IRAK2: variants seen among roughly 807,000 people sequenced by gnomAD.
The protein encoded by IRAK2 is interleukin 1 receptor associated kinase 2.
In IRAK2, 57 loss-of-function variants were observed where a neutral mutation model predicts 72.0. The observed-to-expected ratio is 0.79, with a 90% CI of 0.64 to 0.99. IRAK2 has a LOEUF of 0.99. Among genes scored for constraint, IRAK2 ranks in the 50% least tolerant of loss-of-function variants. The probability of loss-of-function intolerance (pLI) is 0.00; values close to 1 mark genes in which losing one functional copy is unlikely to be tolerated. For synonymous variants in IRAK2, 293 were observed against 312.7 expected, an observed-to-expected ratio of 0.94 and a Z score of 0.67; for missense variants, 790 against 794.4, an observed-to-expected ratio of 0.99 and a Z score of 0.07.
chr3:10,215,751 TACACACACACAC>T (rs145978380), intron 6 of IRAK2, among the ~76,000 whole-genome samples: 1 of 150,026 alleles, frequency 6.7e-6, no homozygotes, highest in Admixed American at 6.7e-5. Flanking sequence ...CTCACATGTG[TACACACACACAC>T]ACACACACAC....
At chr3:10,179,275 GT>G (rs58462207) in intron 2 of IRAK2, among the ~76,000 whole-genome samples, 78 of 136,654 alleles carry the variant, frequency 5.7e-4, no homozygotes, top group Middle Eastern at 3.7e-3. Flanking sequence ...TTTTTCAGTT[GT>G]TTTTTTTTTT....
chr3:10,218,575 C>A (rs955167404), intron 7 of IRAK2, among the ~76,000 whole-genome samples: 1 of 151,898 alleles, frequency 6.6e-6, no homozygotes. Flanking sequence ...ATAAAATCAG[C>A]GTAAGGCCCA....
chr3:10,220,820 A>C (rs995981441), intron 8 of IRAK2, among the ~76,000 whole-genome samples: 1 of 152,048 alleles, frequency 6.6e-6, no homozygotes, highest in Non-Finnish European at 1.5e-5. Context: ...GGTCACCACT[A>C]ACCTACCCCA....
chr3:10,208,801 A>G (rs1697472622), intron 3 of IRAK2, among the ~76,000 whole-genome samples: 2 of 151,416 alleles, frequency 1.3e-5, no homozygotes, highest in African/African-American at 4.9e-5. Flanking sequence ...TAGAAACGGG[A>G]TCTTGTCATG....
At position 10,213,252 on chromosome 3, in the gene IRAK2, G is replaced by A; in HGVS notation, c.574G>A (p.Ala192Thr). The stretch of plus-strand genomic sequence containing the variant: ...TAAGCAGGAAAAACTTTTGAGCTTG[G>A]CTGGAGACAGCCTTTTCTGGAGTGA... ...IPKQEKLLSL[A>T]GDSLFWSEAD... Residue 192 changes from alanine (A) to threonine (T), a missense_variant, in exon 5 of 13, where the codon GCT becomes ACT. By Grantham distance (58) the Ala-to-Thr change is moderately conservative. Transcript: ENST00000256458. 1.9e-6 allele frequency: 3 copies of A among 1,614,132 alleles called. No homozygotes were observed. Among genetic ancestry groups the A allele is most frequent in the Non-Finnish European group, 2.5e-6 (3 of 1,180,024 alleles).
At chr3:10,214,249 T>G (rs1269872876) in intron 6 of IRAK2, among the ~76,000 whole-genome samples, 11 of 151,732 alleles carry the variant, frequency 7.2e-5, no homozygotes, top group Admixed American at 7.2e-4. Flanking sequence ...TTTTAAGAGC[T>G]AGGGTCTTGC....
At chr3:10,165,173 G>A in intron 1 of IRAK2, 125 bp downstream of exon 1, 1 of 783,688 alleles carries the variant, frequency 1.3e-6, no homozygotes. Context: ...GGGCGTGCGA[G>A]CTGAGCCTCC....
At chr3:10,181,921 A>G (rs2125144187) in intron 2 of IRAK2, among the ~76,000 whole-genome samples, 1 of 150,950 alleles carries the variant, frequency 6.6e-6, no homozygotes, top group East Asian at 1.9e-4. Context: ...TCTCATTCCA[A>G]TGCCCTATTC....
intron 2 of IRAK2, among the ~76,000 whole-genome samples, chr3:10,186,236 C>T (rs1697073753): frequency 6.6e-6 from 1 of 151,838 alleles, no homozygotes; most frequent in South Asian, 2.1e-4. Context: ...CCACCTCCTG[C>T]TGGTGTGGGT....
rs1190094915 is a variant in IRAK2, at chr3:10,221,597, G to T, written c.1014-1039G>T. On this transcript the variant is annotated intron_variant, in intron 8 of 12. Coordinates refer to ENST00000256458, the MANE Select transcript of IRAK2 (RefSeq NM_001570.4). ...GACAGGGCCTTGCTCTTTTGCCCAG[G>T]CTGGAGTACAGTGGCGCAATCTCAG... is the stretch of plus-strand genomic sequence containing the variant. Among the ~76,000 whole-genome samples, 4 of 151,970 alleles carry T rather than the reference G, an allele frequency of 2.6e-5. No homozygotes were observed. In the East Asian group the frequency reaches 7.7e-4, roughly 29 times the overall value.
intron 1 of IRAK2, among the ~76,000 whole-genome samples, chr3:10,177,220 C>T (rs923745514): frequency 2.0e-5 from 3 of 152,134 alleles, no homozygotes; most frequent in Admixed American, 6.6e-5. Context: ...AGCTGTGAGC[C>T]GCTGCACCTG....
chr3:10,228,478 A>C (rs923077494), intron 10 of IRAK2, among the ~76,000 whole-genome samples: 7 of 152,100 alleles, frequency 4.6e-5, no homozygotes, highest in Admixed American at 1.3e-4. Flanking sequence ...TTTTCTTGAG[A>C]TGGATTTCCC....
Position 10,241,981 on chromosome 3 carries a change from A to G in IRAK2, c.1766-135A>G, listed in dbSNP as rs868692645. 3.1e-5 allele frequency: 15 copies of G among 477,458 alleles called. 1 individual carries two copies. The highest frequency in any genetic ancestry group is 2.6e-4 in the African/African-American group (8 of 30,790). 29.6% of individuals were successfully genotyped at this position (477,458 alleles called of 1,614,324 possible). A position where few individuals can be genotyped will look rare whatever the true frequency, so the allele number is the denominator to read the frequency against. On this transcript the variant is annotated intron_variant, in intron 12 of 12. Coordinates refer to ENST00000256458, the MANE Select transcript of IRAK2 (RefSeq NM_001570.4). ...AAGTGAGACCCTGTCTCGATAAAAA[A>G]AAAAGAAAAAAAAAAAAAGAAATGC... is the stretch of plus-strand genomic sequence containing the variant.
chr3:10,175,886 G>A (rs59514617), intron 1 of IRAK2, among the ~76,000 whole-genome samples: 1,152 of 97,218 alleles, frequency 0.012, 18 homozygotes, highest in African/African-American at 0.044. Flanking sequence ...GCGAGACTCC[G>A]TCTCAAAAAA....
chr3:10,165,661 A>AT (rs1412416902), intron 1 of IRAK2, among the ~76,000 whole-genome samples: 1 of 143,600 alleles, frequency 7.0e-6, no homozygotes, highest in Non-Finnish European at 1.5e-5. Flanking sequence ...ACCCTGGCTA[A>AT]TTTTTTGTAT....
intron 2 of IRAK2, among the ~76,000 whole-genome samples, chr3:10,180,942 G>A (rs1696950879): frequency 6.6e-6 from 1 of 152,010 alleles, no homozygotes; most frequent in Admixed American, 6.5e-5. Flanking sequence ...CCTGTCTGGG[G>A]TCGGGAATGG....
chr3:10,197,977 A>G (rs903815559), intron 2 of IRAK2, among the ~76,000 whole-genome samples: 2 of 151,680 alleles, frequency 1.3e-5, no homozygotes, highest in Non-Finnish European at 2.9e-5. Context: ...AGGAGGGCGG[A>G]TCATGACGTC....
intron 2 of IRAK2, among the ~76,000 whole-genome samples, chr3:10,178,488 A>G (rs1436880642): frequency 6.6e-6 from 1 of 152,010 alleles, no homozygotes; most frequent in Non-Finnish European, 1.5e-5. Flanking sequence ...AAAAAAAAGA[A>G]ACTGGTAACA....
At chr3:10,195,127 C>T (rs985788535) in intron 2 of IRAK2, among the ~76,000 whole-genome samples, 1 of 152,218 alleles carries the variant, frequency 6.6e-6, no homozygotes, top group African/African-American at 2.4e-5. Context: ...AGGATGAAAA[C>T]ATAATGACAT....
Sources: allele counts gnomAD v4.1 joint callset (sites outside exome capture counted in the v4.1 genomes callset), GRCh38; gene constraint gnomAD v4.1.1; transcripts MANE v1.5; gene names NCBI Gene and HGNC (gene_info 2026-07-23, HGNC 2026-07-21).